ALCAM: variants seen among roughly 807,000 people sequenced by gnomAD.
The protein encoded by ALCAM is CD166 antigen.
Under a neutral mutation model 70.9 loss-of-function variants are expected in ALCAM, and 30 were observed. The ratio of observed to expected loss-of-function variants is 0.42; its 90% CI spans 0.32 to 0.57. The LOEUF is 0.57. ALCAM is among the 20% of genes least tolerant of loss of function. The pLI, the probability that ALCAM is intolerant of heterozygous loss-of-function variation, is 0.11. For synonymous variants in ALCAM, 249 were observed against 242.5 expected, an observed-to-expected ratio of 1.03 and a Z score of -0.25; for missense variants, 591 against 695.1, an observed-to-expected ratio of 0.85 and a Z score of 1.68.
chr3:105,390,753 A>G (rs1036510016), intron 1 of ALCAM, among the ~76,000 whole-genome samples: 2 of 151,494 alleles, frequency 1.3e-5, no homozygotes. Flanking sequence ...ATGCTTTATC[A>G]TCTTGAGTTA....
At chr3:105,512,490 C>G (rs997290676) in intron 1 of ALCAM, among the ~76,000 whole-genome samples, 22 of 151,864 alleles carry the variant, frequency 1.4e-4, no homozygotes, top group African/African-American at 5.1e-4. Context: ...AACTGATACT[C>G]TGAAATAGTT....
At chr3:105,523,065 G>A (rs537023341) in intron 2 of ALCAM, among the ~76,000 whole-genome samples, 27 of 145,628 alleles carry the variant, frequency 1.9e-4, no homozygotes, top group African/African-American at 5.3e-4. Context: ...GCGTGAACCC[G>A]GGAGGCGGAG....
chr3:105,563,008 G>C (rs1940659429), intron 14 of ALCAM, among the ~76,000 whole-genome samples: 1 of 152,036 alleles, frequency 6.6e-6, no homozygotes, highest in Admixed American at 6.5e-5. Context: ...GTTTCTCCAT[G>C]TTGGTCAGGC....
intron 2 of ALCAM, 90 bp downstream of exon 2, chr3:105,520,257 C>A: frequency 2.2e-6 from 2 of 924,134 alleles, no homozygotes; most frequent in Non-Finnish European, 1.7e-6. Context: ...TCAAATTAAC[C>A]TAAATGCAAT....
intron 1 of ALCAM, among the ~76,000 whole-genome samples, chr3:105,505,063 A>G (rs1939034519): frequency 6.6e-6 from 1 of 152,250 alleles, no homozygotes; most frequent in Non-Finnish European, 1.5e-5. Context: ...GTCTGAGGCC[A>G]GAAACAATGC....
Position 105,545,008 on chromosome 3 carries a change from A to G in ALCAM, c.992-215A>G, listed in dbSNP as rs1351812064. The G allele has an allele frequency of 1.9e-5, 9 of 470,854 alleles. No homozygotes were observed. The East Asian group carries it at 3.3e-4, about 17-fold the overall frequency. The allele number at this position is 470,854 out of a possible 1,614,324, so 29.2% of individuals were successfully genotyped here. A position where few individuals can be genotyped will look rare whatever the true frequency, so the allele number is the denominator to read the frequency against. ...ACTGCAAATAAATGGATAATCAATT[A>G]GATTGACCACTCTCTTGTCTAAACT... On this transcript the variant is annotated intron_variant, in intron 8 of 15. Coordinates refer to ENST00000306107, the MANE Select transcript of ALCAM (RefSeq NM_001627.4).
intron 1 of ALCAM, among the ~76,000 whole-genome samples, chr3:105,407,184 A>T (rs1936258769): frequency 6.6e-6 from 1 of 152,136 alleles, no homozygotes; most frequent in African/African-American, 2.4e-5. Flanking sequence ...GAAAGAGGGA[A>T]TCCTCCCTAA....
intron 1 of ALCAM, among the ~76,000 whole-genome samples, chr3:105,474,022 G>A (rs1431132352): frequency 1.3e-5 from 2 of 151,552 alleles, no homozygotes; most frequent in Non-Finnish European, 3.0e-5. Context: ...TTATGAATAT[G>A]TACCTGTGGT....
intron 1 of ALCAM, among the ~76,000 whole-genome samples, chr3:105,369,817 G>T (rs553194289): frequency 6.6e-6 from 1 of 152,138 alleles, no homozygotes; most frequent in African/African-American, 2.4e-5. Flanking sequence ...TATATTTTAG[G>T]CGTGCCACGT....
At chr3:105,564,918 C>T (rs182181289) in intron 14 of ALCAM, among the ~76,000 whole-genome samples, 2 of 152,290 alleles carry the variant, frequency 1.3e-5, no homozygotes, top group East Asian at 3.9e-4. Context: ...TAGTGCCACA[C>T]GCTTGTGATC....
intron 6 of ALCAM, among the ~76,000 whole-genome samples, chr3:105,537,866 G>A (rs1940012281): frequency 6.6e-6 from 1 of 152,058 alleles, no homozygotes; most frequent in African/African-American, 2.4e-5. Flanking sequence ...GCACAATATA[G>A]ATGCCAAACA....
intron 6 of ALCAM, among the ~76,000 whole-genome samples, chr3:105,535,706 A>T (rs918652023): frequency 2.0e-5 from 3 of 151,500 alleles, no homozygotes; most frequent in African/African-American, 7.3e-5. Context: ...TCACAATATA[A>T]ACATAGAGCT....
intron 6 of ALCAM, among the ~76,000 whole-genome samples, chr3:105,539,131 C>A (rs1940052164): frequency 1.3e-5 from 2 of 152,046 alleles, no homozygotes; most frequent in African/African-American, 4.8e-5. Context: ...ATAAAACATA[C>A]CTTTGCATTA....
intron 1 of ALCAM, among the ~76,000 whole-genome samples, chr3:105,447,611 A>G (rs73183115): frequency 0.15 from 22,710 of 152,112 alleles, 1,785 homozygotes; most frequent in Middle Eastern, 0.18. Flanking sequence ...TACTCCGGAG[A>G]CTGAGGCAGG....
chr3:105,380,850 C>A (rs1405766417), intron 1 of ALCAM, among the ~76,000 whole-genome samples: 2 of 151,922 alleles, frequency 1.3e-5, no homozygotes, highest in African/African-American at 2.4e-5. Context: ...GGGAAAGGAG[C>A]TTTGTGATAA....
At chr3:105,461,756 T>C (rs1937607939) in intron 1 of ALCAM, among the ~76,000 whole-genome samples, 1 of 151,784 alleles carries the variant, frequency 6.6e-6, no homozygotes, top group Non-Finnish European at 1.5e-5. Context: ...TTCCATGTTC[T>C]ACCACCTCCT....
At chr3:105,570,393 G>T (rs979452026) in intron 14 of ALCAM, among the ~76,000 whole-genome samples, 2 of 152,008 alleles carry the variant, frequency 1.3e-5, no homozygotes, top group Admixed American at 6.6e-5. Context: ...TGACATTTGG[G>T]AACTGAAAGA....
At chr3:105,435,609 T>G (rs1937032081) in intron 1 of ALCAM, among the ~76,000 whole-genome samples, 1 of 150,482 alleles carries the variant, frequency 6.6e-6, no homozygotes. Context: ...AAAAATGAAA[T>G]TTATTGGGTC....
intron 1 of ALCAM, among the ~76,000 whole-genome samples, chr3:105,401,573 TA>T (rs1936089896): frequency 1.3e-5 from 2 of 152,140 alleles, no homozygotes; most frequent in African/African-American, 4.8e-5. Flanking sequence ...CACCTGAAAA[TA>T]CAATAATCAC....
Sources: gnomAD v4.1 joint callset for allele counts (sites outside exome capture counted in the v4.1 genomes callset) on GRCh38, gnomAD v4.1.1 for gene constraint, MANE v1.5 for transcripts, NCBI Gene and HGNC (gene_info 2026-07-23, HGNC 2026-07-21) for gene names.